Variants in PPP3CA observed in about 807,000 individuals in gnomAD.
PPP3CA encodes the protein protein phosphatase 3 catalytic subunit alpha.
PPP3CA carries 14 observed loss-of-function variants against 66.5 expected under a neutral mutation model. The ratio of observed to expected loss-of-function variants is 0.21; its 90% confidence interval spans 0.14 to 0.33. The LOEUF (loss-of-function observed/expected upper bound fraction) is 0.33. Ranked by LOEUF, PPP3CA falls within the 10% of genes least tolerant of loss-of-function variation. The pLI is 1.00. For missense variants in PPP3CA, 317 were observed against 639.5 expected (o/e 0.50, Z 5.44); for synonymous variants, 232 against 226.2 (o/e 1.03, Z -0.23).
intron 2 of PPP3CA, among the ~76,000 whole-genome samples, chr4:101,155,615 G>A (rs1334691111): frequency 6.6e-6 from 1 of 152,152 alleles, no homozygotes; most frequent in African/African-American, 2.4e-5. Flanking sequence ...TTTGGCCCCA[G>A]GCTTCTGAGA....
At chr4:101,281,948 A>ATCGAAT (rs1340572665) in intron 1 of PPP3CA, among the ~76,000 whole-genome samples, 2 of 152,192 alleles carry the variant, frequency 1.3e-5, no homozygotes, top group African/African-American at 4.8e-5. Flanking sequence ...ACATACATTC[A>ATCGAAT]GTTAGACCTC....
intron 10 of PPP3CA, among the ~76,000 whole-genome samples, chr4:101,043,498 T>C (rs1377517042): frequency 6.6e-6 from 1 of 151,892 alleles, no homozygotes; most frequent in African/African-American, 2.4e-5. Context: ...ACTTTATGTA[T>C]ATGTAGTTGT....
chr4:101,333,613 GTGAA>G (rs1399491366), intron 1 of PPP3CA, among the ~76,000 whole-genome samples: 1 of 152,046 alleles, frequency 6.6e-6, no homozygotes, highest in Non-Finnish European at 1.5e-5. Flanking sequence ...TTGGAAATGA[GTGAA>G]TGAATGGTCT....
chr4:101,212,708 G>T (rs1725335772), intron 1 of PPP3CA, among the ~76,000 whole-genome samples: 1 of 152,106 alleles, frequency 6.6e-6, no homozygotes. Context: ...GCAAATAGGA[G>T]AATTTTATTA....
At chr4:101,255,258 C>G (rs1411353900) in intron 1 of PPP3CA, among the ~76,000 whole-genome samples, 1 of 151,826 alleles carries the variant, frequency 6.6e-6, no homozygotes, top group Non-Finnish European at 1.5e-5. Context: ...TATTCAGAAG[C>G]CTATCCACTA....
chr4:101,258,269 C>T (rs2110252547), intron 1 of PPP3CA, among the ~76,000 whole-genome samples: 1 of 152,110 alleles, frequency 6.6e-6, no homozygotes, highest in African/African-American at 2.4e-5. Context: ...AGGAACTATC[C>T]AAATGGATTA....
chr4:101,205,098 T>C (rs190764527), intron 1 of PPP3CA, among the ~76,000 whole-genome samples: 274 of 151,988 alleles, frequency 1.8e-3, no homozygotes, highest in Middle Eastern at 3.4e-3. Context: ...AGAGGCTTTT[T>C]ATTTATACAT....
rs973133586 is a variant in PPP3CA, at chr4:101,243,123, T to G, written c.59-47007A>C. Among the ~76,000 whole-genome samples the G allele has an allele frequency of 2.6e-5, 4 of 152,162 alleles. 1 individual carries two copies. The highest frequency in any genetic ancestry group is 2.6e-4 in the Admixed American group (4 of 15,272). ...AAACCATTTTCCTTTACAGCTCACC[T>G]TTATCAACCTACAAACTGGAAGAAT... On this transcript the variant is annotated intron_variant, in intron 1 of 13. Coordinates refer to ENST00000394854, the MANE Select transcript of PPP3CA (RefSeq NM_000944.5).
chr4:101,157,682 T>C (rs947601423), intron 2 of PPP3CA, among the ~76,000 whole-genome samples: 4 of 152,200 alleles, frequency 2.6e-5, no homozygotes, highest in African/African-American at 7.2e-5. Context: ...TTAGATAATT[T>C]TGATGTTCTT....
intron 1 of PPP3CA, among the ~76,000 whole-genome samples, chr4:101,323,039 A>G (rs1729090930): frequency 1.3e-5 from 2 of 152,328 alleles, no homozygotes; most frequent in South Asian, 4.1e-4. Context: ...TGTATTTCTC[A>G]TTAGAGCACT....
chr4:101,150,598 A>G (rs940603327), intron 2 of PPP3CA, among the ~76,000 whole-genome samples: 6 of 152,192 alleles, frequency 3.9e-5, no homozygotes, highest in Non-Finnish European at 8.8e-5. Flanking sequence ...TGACAGTTGT[A>G]ATCTTTTTTT....
intron 1 of PPP3CA, among the ~76,000 whole-genome samples, chr4:101,233,671 C>A (rs1329392714): frequency 6.6e-6 from 1 of 150,826 alleles, no homozygotes; most frequent in Non-Finnish European, 1.5e-5. Flanking sequence ...AAAAATAAAA[C>A]AACATGATTA....
At chr4:101,219,213 T>TAAAACAA (rs1725547415) in intron 1 of PPP3CA, among the ~76,000 whole-genome samples, 1 of 152,064 alleles carries the variant, frequency 6.6e-6, no homozygotes, top group East Asian at 1.9e-4. Context: ...ATCTGGAAAG[T>TAAAACAA]ATACTATGTA....
intron 10 of PPP3CA, among the ~76,000 whole-genome samples, chr4:101,046,026 G>A (rs1031855561): frequency 3.3e-5 from 5 of 152,068 alleles, no homozygotes; most frequent in African/African-American, 1.2e-4. Context: ...AGCAGCTTTG[G>A]GGAGAGAAGT....
intron 3 of PPP3CA, among the ~76,000 whole-genome samples, chr4:101,105,805 TAAA>T (rs1234815201): frequency 6.6e-6 from 1 of 151,414 alleles, no homozygotes; most frequent in Non-Finnish European, 1.5e-5. Context: ...AATGTTATAA[TAAA>T]AAAAAATTTC....
chr4:101,191,456 C>T (rs1724599755), intron 2 of PPP3CA, among the ~76,000 whole-genome samples: 2 of 152,132 alleles, frequency 1.3e-5, no homozygotes, highest in African/African-American at 4.8e-5. Context: ...GTGTGGCTGC[C>T]ACAGGCTGGG....
intron 1 of PPP3CA, among the ~76,000 whole-genome samples, chr4:101,314,473 A>T (rs1728824151): frequency 6.8e-6 from 1 of 147,242 alleles, no homozygotes; most frequent in Non-Finnish European, 1.5e-5. Context: ...CTGAGGCAGG[A>T]GAATGGCATG....
intron 6 of PPP3CA, among the ~76,000 whole-genome samples, chr4:101,092,581 C>T (rs9991118): frequency 0.18 from 28,007 of 151,832 alleles, 3,311 homozygotes; most frequent in African/African-American, 0.32. Context: ...TAATATCCTT[C>T]CCCTAGCCCC....
chr4:101,268,573 C>A (rs1198579208), intron 1 of PPP3CA, among the ~76,000 whole-genome samples: 1 of 152,162 alleles, frequency 6.6e-6, no homozygotes, highest in Non-Finnish European at 1.5e-5. Flanking sequence ...TAGAGTAACA[C>A]TGTATTTAAC....
Sources: allele counts gnomAD v4.1 joint callset (sites outside exome capture counted in the v4.1 genomes callset), GRCh38; gene constraint gnomAD v4.1.1; transcripts MANE v1.5; gene names NCBI Gene and HGNC (gene_info 2026-07-23, HGNC 2026-07-21).